The following MACROD2 variants were observed in gnomAD, a reference collection of about 807,000 sequenced individuals.
The protein encoded by MACROD2 is ADP-ribose glycohydrolase MACROD2.
In MACROD2, 36 loss-of-function variants were observed where a neutral mutation model predicts 70.4. The observed-to-expected ratio is 0.51, with a 90% CI of 0.39 to 0.68. MACROD2 has a LOEUF of 0.68. Among genes scored for constraint, MACROD2 ranks in the 30% least tolerant of loss-of-function variants. MACROD2 has a pLI of 0.00. For missense variants in MACROD2, 496 were observed against 538.4 expected, an observed-to-expected ratio of 0.92 and a Z score of 0.78; for synonymous variants, 172 against 178.8, an observed-to-expected ratio of 0.96 and a Z score of 0.30.
At chr20:14,762,260 T>C (rs1222899073) in intron 5 of MACROD2, among the ~76,000 whole-genome samples, 3 of 152,086 alleles carry the variant, frequency 2.0e-5, no homozygotes, top group Non-Finnish European at 2.9e-5. Context: ...ATATTAGGGA[T>C]TCCCTCCTCT....
rs180697680 is a variant in MACROD2 at position 15,160,378 on chromosome 20, C to T, written c.419-69562C>T. On this transcript the variant is annotated intron_variant, in intron 5 of 17. Coordinates refer to ENST00000684519, the MANE Select transcript of MACROD2 (RefSeq NM_001351661.2). ...ACAATTCCAAAGTTTCAACTAAAAA[C>T]ATTGTAGAAACCACTCTATTGCAAT... Among the ~76,000 whole-genome samples the T allele has an allele frequency of 4.6e-5, 7 of 152,216 alleles. No individual in the cohort carries two copies. The East Asian group carries it at 1.4e-3, about 29-fold the overall frequency.
intron 6 of MACROD2, among the ~76,000 whole-genome samples, chr20:15,389,967 G>T (rs2045770349): frequency 6.6e-6 from 1 of 152,188 alleles, no homozygotes; most frequent in Non-Finnish European, 1.5e-5. Flanking sequence ...GAACCTTGAG[G>T]TTCTGTGTGG....
At chr20:14,942,100 A>T (rs1799073816) in intron 5 of MACROD2, among the ~76,000 whole-genome samples, 1 of 152,002 alleles carries the variant, frequency 6.6e-6, no homozygotes, top group African/African-American at 2.4e-5. Context: ...CACCCAGCCA[A>T]CATTCTGATC....
intron 12 of MACROD2, among the ~76,000 whole-genome samples, chr20:15,948,074 G>A (rs560246197): frequency 8.5e-5 from 13 of 152,194 alleles, no homozygotes; most frequent in African/African-American, 1.9e-4. Context: ...TGAGAGGGGG[G>A]ACTGAGAGAC....
intron 8 of MACROD2, among the ~76,000 whole-genome samples, chr20:15,790,635 G>C (rs1022536265): frequency 1.3e-5 from 2 of 151,814 alleles, no homozygotes; most frequent in East Asian, 3.9e-4. Flanking sequence ...AAAACCAAAG[G>C]AGGAGCCCCT....
intron 5 of MACROD2, among the ~76,000 whole-genome samples, chr20:15,207,245 G>A (rs913189047): frequency 6.6e-6 from 1 of 152,072 alleles, no homozygotes; most frequent in East Asian, 1.9e-4. Flanking sequence ...GGTAGGTCTG[G>A]TCTGCTCATG....
chr20:14,844,328 A>G (rs1180918317), intron 5 of MACROD2, among the ~76,000 whole-genome samples: 1 of 151,920 alleles, frequency 6.6e-6, no homozygotes, highest in African/African-American at 2.4e-5. Context: ...AGCCTGGCTA[A>G]CATGATGAAA....
At chr20:15,615,740 T>C (rs1190477603) in intron 8 of MACROD2, among the ~76,000 whole-genome samples, 3 of 152,070 alleles carry the variant, frequency 2.0e-5, no homozygotes, top group African/African-American at 4.8e-5. Flanking sequence ...AAAACAGACA[T>C]TTATCCCTCC....
At chr20:15,733,494 A>G (rs141416072) in intron 8 of MACROD2, among the ~76,000 whole-genome samples, 9 of 152,332 alleles carry the variant, frequency 5.9e-5, no homozygotes, top group Admixed American at 5.9e-4. Context: ...TAAAGGCTAG[A>G]AAGTTCCCTA....
In MACROD2 at chr20:15,285,906, A is replaced by G. The variant is rs150758237; in HGVS notation, c.540+55845A>G. Among the ~76,000 whole-genome samples the G allele has an allele frequency of 2.0e-3, 308 of 152,184 alleles. 1 individual carries two copies. Among genetic ancestry groups the G allele is most frequent in the Non-Finnish European group, 3.4e-3 (232 of 67,986 alleles). On this transcript the variant is annotated intron_variant, in intron 6 of 17. Transcript: ENST00000684519. Reference sequence around the variant, plus strand: ...TTTTTTGGGGGGGTTGCATTTATTCATACATATGTGGCAATTCTAAATGAT... The same window carrying G: ...TTTTTTGGGGGGGTTGCATTTATTCGTACATATGTGGCAATTCTAAATGAT...
intron 7 of MACROD2, among the ~76,000 whole-genome samples, chr20:15,473,915 A>G (rs1365051391): frequency 6.6e-6 from 1 of 152,210 alleles, no homozygotes; most frequent in Non-Finnish European, 1.5e-5. Flanking sequence ...TTTGTTTTCC[A>G]ACATAGAAGT....
chr20:15,294,889 G>C (rs186419836), intron 6 of MACROD2, among the ~76,000 whole-genome samples: 56 of 152,262 alleles, frequency 3.7e-4, no homozygotes, highest in Non-Finnish European at 4.0e-4. Context: ...TAGGCATCAG[G>C]GAGAGGCAAA....
chr20:14,826,265 A>T (rs2072901690), intron 5 of MACROD2, among the ~76,000 whole-genome samples: 1 of 151,994 alleles, frequency 6.6e-6, no homozygotes, highest in Admixed American at 6.6e-5. Flanking sequence ...CACAATACCC[A>T]TGCATTGACT....
chr20:14,756,946 T>C (rs1037790880), intron 5 of MACROD2, among the ~76,000 whole-genome samples: 1 of 152,100 alleles, frequency 6.6e-6, no homozygotes, highest in Non-Finnish European at 1.5e-5. Context: ...CCTGCCACCA[T>C]GTGAAGAATG....
At chr20:15,139,903 AATACCTCCAGAGAG>A (rs1420720659) in intron 5 of MACROD2, among the ~76,000 whole-genome samples, 3 of 152,206 alleles carry the variant, frequency 2.0e-5, no homozygotes, top group African/African-American at 7.2e-5. Context: ...GTGACCAGGG[AATACCTCCAGAGAG>A]ACTGCGATGC....
chr20:15,795,573 G>C (rs569708585), intron 8 of MACROD2, among the ~76,000 whole-genome samples: 2 of 152,212 alleles, frequency 1.3e-5, no homozygotes, highest in South Asian at 4.1e-4. Context: ...CTTGTAATTT[G>C]AAGGACACAA....
At chr20:14,359,383 A>ACAG (rs1467918417) in intron 3 of MACROD2, among the ~76,000 whole-genome samples, 2 of 152,202 alleles carry the variant, frequency 1.3e-5, no homozygotes, top group African/African-American at 4.8e-5. Flanking sequence ...GTAAACTAGT[A>ACAG]CAGCCATTAT....
chr20:15,153,922 C>G (rs1198973122), intron 5 of MACROD2, among the ~76,000 whole-genome samples: 1 of 152,140 alleles, frequency 6.6e-6, no homozygotes, highest in Non-Finnish European at 1.5e-5. Flanking sequence ...ACAGAATGTT[C>G]AAAGGATGTC....
intron 5 of MACROD2, 148 bp from the exon 6 acceptor site, chr20:15,229,792 A>G (rs2076943663): frequency 1.4e-6 from 1 of 740,734 alleles, no homozygotes; most frequent in East Asian, 3.1e-5. Flanking sequence ...ATCTTCTACC[A>G]GAGAAATATT....
Sources: gnomAD v4.1 joint callset for allele counts (sites outside exome capture counted in the v4.1 genomes callset) on GRCh38, gnomAD v4.1.1 for gene constraint, MANE v1.5 for transcripts, NCBI Gene and HGNC (gene_info 2026-07-23, HGNC 2026-07-21) for gene names.